The following IFI44L variants were observed in gnomAD, a reference collection of about 807,000 sequenced individuals.
The protein encoded by IFI44L is interferon-induced protein 44-like.
A neutral mutation model predicts 39.3 loss-of-function variants in IFI44L; 40 were observed. That is an observed-to-expected ratio of 1.02 (90% confidence interval 0.79 to 1.33). IFI44L has a LOEUF of 1.33. IFI44L is among the 40% of genes most tolerant of loss of function. The pLI is 0.00. For missense variants in IFI44L, 623 were observed against 549.0 expected (o/e 1.13, Z -1.35); for synonymous variants, 198 against 182.3 (o/e 1.09, Z -0.69).
rs1359225810 is a variant in IFI44L, at chr1:78,643,162, T to TTTTTTTTTTTTTTTTTGAGACGGA, written c.*1353_*1354insTTTTTTTTTTTTTTTTGAGACGGA. ...ATATTAAGAAAGCAAGAGTTTCTTA[T>TTTTTTTTTTTTTTTTTGAGACGGA]GTCCAGTTATGGAATATTTCCTAAA... On this transcript the variant is annotated 3_prime_UTR_variant, in exon 9 of 9. Coordinates refer to ENST00000370751, the MANE Select transcript of IFI44L (RefSeq NM_006820.4). The TTTTTTTTTTTTTTTTTGAGACGGA allele has an allele frequency of 2.0e-5, 3 of 151,832 alleles. No individual in the cohort carries two copies. Among genetic ancestry groups the TTTTTTTTTTTTTTTTTGAGACGGA allele is most frequent in the South Asian group, 4.2e-4 (2 of 4,810 alleles). 9.4% of individuals were successfully genotyped at this position (151,832 alleles called of 1,614,324 possible). A position where few individuals can be genotyped will look rare whatever the true frequency, so the allele number is the denominator to read the frequency against.
At chr1:78,627,768 T>C (rs1394730750) in intron 1 of IFI44L, 138 bp from the exon 2 acceptor site, 3 of 402,388 alleles carry the variant, frequency 7.5e-6, no homozygotes, top group African/African-American at 6.2e-5. Context: ...ATATTTTTGC[T>C]ATATTTTTTG....
chr1:78,626,048 C>T (rs914347254), intron 1 of IFI44L: 25 of 151,678 alleles, frequency 1.6e-4, no homozygotes, highest in African/African-American at 6.0e-4. Flanking sequence ...CTTCTATATT[C>T]TTTTTCTTTT....
intron 1 of IFI44L, 132 bp from the exon 2 acceptor site, chr1:78,627,774 T>A: frequency 2.4e-6 from 1 of 409,516 alleles, no homozygotes. Flanking sequence ...TTGCTATATT[T>A]TTTGCCTTAA....
intron 6 of IFI44L, among the ~76,000 whole-genome samples, chr1:78,638,794 T>C (rs904015880): frequency 1.3e-5 from 2 of 152,168 alleles, no homozygotes; most frequent in African/African-American, 2.4e-5. Flanking sequence ...AATTCTAACA[T>C]CTTTGTCATC....
chr1:78,621,520 C>A (rs1652272604), intron 1 of IFI44L, among the ~76,000 whole-genome samples: 2 of 152,148 alleles, frequency 1.3e-5, no homozygotes, highest in South Asian at 4.1e-4. Flanking sequence ...GATCTGCCAG[C>A]CTCAGCCTCC....
intron 5 of IFI44L, 74 bp downstream of exon 5, chr1:78,635,563 A>C: frequency 7.0e-7 from 1 of 1,431,814 alleles, no homozygotes; most frequent in Non-Finnish European, 9.7e-7. Flanking sequence ...TTAACCACAT[A>C]AGGCAATTTC....
rs61729831 is a variant in IFI44L at position 78,637,042 on chromosome 1, G to T, written c.887G>T (p.Arg296Leu). 22 of 1,609,418 alleles carry T rather than the reference G, an allele frequency of 1.4e-5. No individual in the cohort carries two copies. The highest frequency in any genetic ancestry group is 1.8e-5 in the Non-Finnish European group (21 of 1,176,738). ...CMPDRYQFNS[R>L]KPITPEHSTF... ...ATGTTTTTATAACAGTTTAATTCCC[G>T]TAAACCAATTACACCTGAGCATTCT... The change falls in exon 6 of 9, where the codon CGT (arginine) becomes CTT (leucine). Residue 296 changes from arginine (R) to leucine (L), a missense_variant. Physicochemically the swap from Arg to Leu is moderately radical, Grantham distance 102. Coordinates refer to ENST00000370751, the MANE Select transcript of IFI44L (RefSeq NM_006820.4).
rs1362829498 is a variant in IFI44L, at chr1:78,628,584, T to C, written c.478+191T>C. On this transcript the variant is annotated intron_variant, in intron 2 of 8. Transcript: ENST00000370751. ...AGGTTTTTATCCAGAACGTATAGGC[T>C]GCTTTGAGCAAAGCAAGTTGAGAAA... 5.4e-6 allele frequency: 3 copies of C among 557,034 alleles called. No homozygotes were observed. In the East Asian group the frequency reaches 8.9e-5, roughly 16 times the overall value. 34.5% of individuals were successfully genotyped at this position (557,034 alleles called of 1,614,324 possible). A position where few individuals can be genotyped will look rare whatever the true frequency, so the allele number is the denominator to read the frequency against.
At chr1:78,622,744 C>T (rs2100468017) in intron 1 of IFI44L, among the ~76,000 whole-genome samples, 1 of 152,240 alleles carries the variant, frequency 6.6e-6, no homozygotes, top group Middle Eastern at 3.4e-3. Context: ...TGACTTCAGG[C>T]CAATGACTAA....
At position 78,637,108 on chromosome 1, in the gene IFI44L, G is replaced by T. The variant is rs374146000; in HGVS notation, c.953G>T (p.Cys318Phe). ...TSPSLKDRIH[C>F]VAYVLDINSI... The stretch of plus-strand genomic sequence containing the variant: ...CCATCTCTGAAGGACAGGATTCACT[G>T]TGTGGCTTATGTCTTAGACATCAAC... Residue 318 changes from cysteine (C) to phenylalanine (F), a missense_variant, in exon 6 of 9, where the codon TGT becomes TTT. Cys to Phe is a radical substitution (Grantham distance 205). Transcript: ENST00000370751. 1 of 1,611,082 alleles carries T rather than the reference G, an allele frequency of 6.2e-7. No individual in the cohort carries two copies. The highest frequency in any genetic ancestry group is 2.2e-5 in the East Asian group (1 of 44,750).
Position 78,643,577 on chromosome 1 carries a change from T to C in IFI44L, c.*1768T>C, listed in dbSNP as rs1647011649. 1 of 151,638 alleles carries C rather than the reference T, an allele frequency of 6.6e-6. No individual in the cohort carries two copies. The highest frequency in any genetic ancestry group is 1.5e-5 in the Non-Finnish European group (1 of 67,924). 9.4% of individuals were successfully genotyped at this position (151,638 alleles called of 1,614,324 possible). On this transcript the variant is annotated 3_prime_UTR_variant, in exon 9 of 9. Transcript: ENST00000370751. ...CTGGAGCTGCTGATTTGTTGGGGTA[T>C]AGGGAATGAAATGAAACATACAGAG...
Position 78,635,439 on chromosome 1 carries a change from A to G in IFI44L, c.826A>G (p.Met276Val), listed in dbSNP as rs149877350. ...TGGGGCAGAAGGAGCAGGACTGTGC[A>G]TGGATGACATTCCCCACATCTTAAA... ...LDGAEGAGLC[M>V]DDIPHILKGC... is the part of the protein sequence containing the mutation. Residue 276 changes from methionine (M) to valine (V), a missense_variant, in exon 5 of 9, where the codon ATG (methionine) becomes GTG (valine). Physicochemically the swap from Met to Val is conservative, Grantham distance 21. Coordinates refer to ENST00000370751, the MANE Select transcript of IFI44L (RefSeq NM_006820.4). 427 of 1,613,608 alleles carry G rather than the reference A, an allele frequency of 2.6e-4. No homozygotes were observed. Among genetic ancestry groups the G allele is most frequent in the Non-Finnish European group, 3.3e-4 (395 of 1,179,654 alleles).
At position 78,641,456 on chromosome 1, in the gene IFI44L, C is replaced by A; in HGVS notation, c.1171C>A (p.Leu391Ile). ...QSRVMNVHKM[L>I]GIPISNILMV... is the part of the protein sequence containing the mutation. ...ACAGGTCATGAATGTCCATAAAATG[C>A]TAGGCATTCCTATTTCCAATATTTT... The change falls in exon 8 of 9, where the codon CTA (leucine) becomes ATA (isoleucine). Residue 391 changes from leucine (L) to isoleucine (I), a missense_variant. By Grantham distance (5) the Leu-to-Ile change is conservative. Coordinates refer to ENST00000370751, the MANE Select transcript of IFI44L (RefSeq NM_006820.4). The A allele has an allele frequency of 6.2e-7, 1 of 1,613,374 alleles. No homozygotes were observed. The highest frequency in any genetic ancestry group is 1.1e-5 in the South Asian group (1 of 91,066).
chr1:78,636,468 T>C (rs1652954710), intron 5 of IFI44L, among the ~76,000 whole-genome samples: 1 of 152,138 alleles, frequency 6.6e-6, no homozygotes, highest in Non-Finnish European at 1.5e-5. Flanking sequence ...CAAACCATTG[T>C]TTCATAATCT....
At position 78,631,630 on chromosome 1, in the gene IFI44L, G is replaced by C. The variant is rs946899898; in HGVS notation, c.723+1715G>C. ...CTGACCATCAAATAAAATACTTTCA[G>C]AATTGTTCTAGAAAATATCCTTGCA... On this transcript the variant is annotated intron_variant, in intron 4 of 8. Transcript: ENST00000370751. 49 of 152,046 alleles carry C rather than the reference G, an allele frequency of 3.2e-4. 2 individuals carry two copies. 9.4% of individuals were successfully genotyped at this position (152,046 alleles called of 1,614,324 possible). A position where few individuals can be genotyped will look rare whatever the true frequency, so the allele number is the denominator to read the frequency against.
At chr1:78,625,861 T>A (rs1452173442) in intron 1 of IFI44L, 1 of 151,996 alleles carries the variant, frequency 6.6e-6, no homozygotes, top group African/African-American at 2.4e-5. Flanking sequence ...AATTTCATTA[T>A]GATTTCTTAT....
At position 78,645,256 on chromosome 1, in the gene IFI44L, T is replaced by G. The variant is rs1383581534; in HGVS notation, c.*3447T>G. ...TCTTTGAAAACCTACTTATAACTGTTGCTAATAAGAATGTGTATTGTTCAG... is the reference window on the plus strand; with the variant it reads ...TCTTTGAAAACCTACTTATAACTGTGGCTAATAAGAATGTGTATTGTTCAG... On this transcript the variant is annotated 3_prime_UTR_variant, in exon 9 of 9. Coordinates refer to ENST00000370751, the MANE Select transcript of IFI44L (RefSeq NM_006820.4). The G allele has an allele frequency of 3.3e-5, 5 of 152,176 alleles. No homozygotes were observed. The highest frequency in any genetic ancestry group is 1.3e-4 in the Admixed American group (2 of 15,276). 9.4% of individuals were successfully genotyped at this position (152,176 alleles called of 1,614,324 possible). A position where few individuals can be genotyped will look rare whatever the true frequency, so the allele number is the denominator to read the frequency against.
At position 78,628,017 on chromosome 1, in the gene IFI44L, A is replaced by C. The variant is rs761055234; in HGVS notation, c.102A>C (p.Gly34=). 2.5e-6 allele frequency: 4 copies of C among 1,613,050 alleles called. No homozygotes were observed. In the African/African-American group the frequency reaches 4.0e-5, roughly 16 times the overall value. Residue 34 remains glycine, a synonymous_variant, in exon 2 of 9, where the codon GGA becomes GGC. Transcript: ENST00000370751. ...TTCTCTATAAGTCTAGTGTTCATGGAGGTAGCATTGAAGATATGGTTGAAA... is the reference window on the plus strand; with the variant it reads ...TTCTCTATAAGTCTAGTGTTCATGGCGGTAGCATTGAAGATATGGTTGAAA... ...LSLLYKSSVH[G]GSIEDMVERC... is the part of the protein sequence containing the mutation.
rs1168209863 is a variant in IFI44L, at chr1:78,644,800, G to T, written c.*2991G>T. ...GGCTGGGAGAATATCATCTTAAAGTGAGAGTGATGTTGTGGAGACAGTTGA... is the reference window on the plus strand; with the variant it reads ...GGCTGGGAGAATATCATCTTAAAGTTAGAGTGATGTTGTGGAGACAGTTGA... On this transcript the variant is annotated 3_prime_UTR_variant, in exon 9 of 9. Transcript: ENST00000370751. The T allele has an allele frequency of 6.6e-6, 1 of 152,242 alleles. No homozygotes were observed. Among genetic ancestry groups the T allele is most frequent in the African/African-American group, 2.4e-5 (1 of 41,446 alleles). 9.4% of individuals were successfully genotyped at this position (152,242 alleles called of 1,614,324 possible). A position where few individuals can be genotyped will look rare whatever the true frequency, so the allele number is the denominator to read the frequency against.
Sources: allele counts gnomAD v4.1 joint callset (sites outside exome capture counted in the v4.1 genomes callset), GRCh38; gene constraint gnomAD v4.1.1; transcripts MANE v1.5; gene names NCBI Gene and HGNC (gene_info 2026-07-23, HGNC 2026-07-21).